ABCA4: variants seen among roughly 807,000 people sequenced by gnomAD.
ABCA4 encodes the protein retinal-specific phospholipid-transporting ATPase ABCA4.
ABCA4 carries 196 observed loss-of-function variants against 263.7 expected under a neutral mutation model. The ratio of observed to expected loss-of-function variants is 0.74; its 90% confidence interval spans 0.66 to 0.84. ABCA4 has a LOEUF of 0.84. Ranked by LOEUF, ABCA4 falls within the 40% of genes least tolerant of loss-of-function variation. ABCA4 has a pLI of 0.00. For missense variants in ABCA4, 2,792 were observed against 2,855.1 expected (o/e 0.98, Z 0.50); for synonymous variants, 1,133 against 1,094.2 (o/e 1.04, Z -0.70).
intron 16 of ABCA4, 74 bp from the exon 17 acceptor site, chr1:94,051,772 T>C: frequency 8.6e-7 from 1 of 1,162,550 alleles, no homozygotes; most frequent in South Asian, 1.3e-5. Flanking sequence ...TTCTATAAGA[T>C]CTAGAGTTTA....
intron 6 of ABCA4, among the ~76,000 whole-genome samples, chr1:94,088,055 C>A (rs576035783): frequency 2.0e-5 from 3 of 152,306 alleles, no homozygotes; most frequent in Admixed American, 6.5e-5. Flanking sequence ...TAAGCATAGT[C>A]CGTAATCAGT....
chr1:94,015,971 C>A, intron 36 of ABCA4, 117 bp from the exon 37 acceptor site: 1 of 899,902 alleles, frequency 1.1e-6, no homozygotes, highest in Non-Finnish European at 1.8e-6. Context: ...TCTGATTCGA[C>A]TTGCTTTTTA....
intron 37 of ABCA4, 33 bp downstream of exon 37, chr1:94,015,706 C>A: frequency 6.5e-7 from 1 of 1,541,442 alleles, no homozygotes; most frequent in Non-Finnish European, 9.0e-7. Context: ...GGCTTCTCTT[C>A]AGAGGCATTA....
chr1:94,003,655 A>G lies in ABCA4; in HGVS notation c.6148-1663T>C, dbSNP rs554134491. On this transcript the variant is annotated intron_variant, in intron 44 of 49. Coordinates refer to ENST00000370225, the MANE Select transcript of ABCA4 (RefSeq NM_000350.3). ...AATTATATTATTATTATTTTAAGAG[A>G]CAGAGTCTTGCTCTGTTTCCCAGGC... Among the ~76,000 whole-genome samples the G allele has an allele frequency of 1.6e-3, 242 of 152,302 alleles. 2 individuals carry two copies. The highest frequency in any genetic ancestry group is 5.8e-3 in the African/African-American group (239 of 41,556).
intron 1 of ABCA4, among the ~76,000 whole-genome samples, chr1:94,116,210 G>A (rs1662754655): frequency 1.3e-5 from 2 of 152,080 alleles, no homozygotes; most frequent in South Asian, 2.1e-4. Flanking sequence ...TCTGGCCCTA[G>A]GACTGTTCCC....
At chr1:94,087,964 G>A (rs1290431299) in intron 6 of ABCA4, among the ~76,000 whole-genome samples, 1 of 152,152 alleles carries the variant, frequency 6.6e-6, no homozygotes, top group Non-Finnish European at 1.5e-5. Flanking sequence ...CCACAGGAGA[G>A]AAAGAATCTA....
At chr1:94,001,690 G>A in intron 45 of ABCA4, 168 bp downstream of exon 45, 1 of 1,009,466 alleles carries the variant, frequency 9.9e-7, no homozygotes, top group Admixed American at 2.0e-5. Flanking sequence ...CCGGAGCTGT[G>A]TGAACCAAAC....
At chr1:94,109,329 T>A (rs975917303) in intron 3 of ABCA4, among the ~76,000 whole-genome samples, 1 of 152,190 alleles carries the variant, frequency 6.6e-6, no homozygotes, top group Non-Finnish European at 1.5e-5. Context: ...GGAGGGTTTA[T>A]CCAGTTTTTA....
chr1:94,047,866 T>G (rs1033022074), intron 18 of ABCA4, among the ~76,000 whole-genome samples: 19 of 152,352 alleles, frequency 1.2e-4, no homozygotes, highest in African/African-American at 3.6e-4. Flanking sequence ...ACCTCCCATC[T>G]ATCCCTGCTT....
rs886044763 is a variant in ABCA4 at position 93,997,943 on chromosome 1, G to T, written c.6647C>A (p.Ala2216Glu). Residue 2216 changes from alanine (A) to glutamate (E), a missense_variant, in exon 48 of 50, where the codon GCG becomes GAG. Coordinates refer to ENST00000370225, the MANE Select transcript of ABCA4 (RefSeq NM_000350.3). ...LQFQVSSSSLARIFQLLLSHK... is the reference protein window; with the variant it reads ...LQFQVSSSSLERIFQLLLSHK... ...GGAGAGGAGGAGCTGGAAGATCCTC[G>T]CCAGGGAGGAGGAGGAGACCTGGAA... 3 of 1,614,060 alleles carry T rather than the reference G, an allele frequency of 1.9e-6. No homozygotes were observed. The highest frequency in any genetic ancestry group is 1.7e-5 in the Admixed American group (1 of 60,022).
At position 94,062,709 on chromosome 1, in the gene ABCA4, C is replaced by G; in HGVS notation, c.1805G>C (p.Arg602Pro). 1.9e-6 allele frequency: 3 copies of G among 1,614,106 alleles called. No homozygotes were observed. In the South Asian group the frequency reaches 3.3e-5, roughly 18 times the overall value. ...ATAGGCAAACCCGCCCCAGATGTAC[C>G]GGAAATCTTCCACGGGATCAGCTCT... ...GPRADPVEDF[R>P]YIWGGFAYLQ... The change falls in exon 13 of 50, where the codon CGG becomes CCG. Residue 602 changes from arginine (R) to proline (P), a missense_variant. Arg to Pro is a moderately radical substitution (Grantham distance 103, BLOSUM62 -2). Transcript: ENST00000370225.
Position 94,121,016 on chromosome 1 carries a change from C to G in ABCA4, c.30G>C (p.Leu10Phe). 6.2e-7 allele frequency: 1 copy of G among 1,613,908 alleles called. No individual in the cohort carries two copies. The highest frequency in any genetic ancestry group is 1.3e-5 in the African/African-American group (1 of 74,942). Residue 10 changes from leucine to phenylalanine, a missense_variant, in exon 1 of 50, where the codon TTG (leucine) becomes TTC (phenylalanine). By Grantham distance (22) the Leu-to-Phe change is conservative. Transcript: ENST00000370225. ...TCCGCAGGGTCCAGTTCTTCCAGAG[C>G]AAAAGCTGTATCTGTCTCACGAAGC... is the stretch of plus-strand genomic sequence containing the variant. MGFVRQIQL[L>F]LWKNWTLRKR...
chr1:94,043,222 G>T (rs1660566541), intron 21 of ABCA4, 114 bp downstream of exon 21: 1 of 1,461,504 alleles, frequency 6.8e-7, no homozygotes, highest in Non-Finnish European at 9.4e-7. Context: ...TAACTTCACA[G>T]AGGTGTTCCC....
In ABCA4 at chr1:94,028,928, A is replaced by AC. The variant is rs147367400; in HGVS notation, c.4539+516_4539+517insG. ...TCTCAAAAAAAAAAAAAAAAAAAAA[A>AC]AAGAAATTCAAACAATGGGATAATA... On this transcript the variant is annotated intron_variant, in intron 30 of 49. Transcript: ENST00000370225. Among the ~76,000 whole-genome samples, 617 of 146,512 alleles carry AC rather than the reference A, an allele frequency of 4.2e-3. 36 individuals carry two copies. The highest frequency in any genetic ancestry group is 0.014 in the South Asian group (63 of 4,532).
intron 1 of ABCA4, among the ~76,000 whole-genome samples, chr1:94,119,124 T>C (rs959540031): frequency 6.6e-6 from 1 of 152,188 alleles, no homozygotes; most frequent in Non-Finnish European, 1.5e-5. Context: ...CTGGAGATTA[T>C]TTTTTGATAG....
intron 11 of ABCA4, among the ~76,000 whole-genome samples, chr1:94,071,967 A>G (rs1259626959): frequency 1.3e-5 from 2 of 152,260 alleles, no homozygotes; most frequent in Non-Finnish European, 2.9e-5. Flanking sequence ...AGAAGAAAGA[A>G]ATAGGACAGA....
rs552517556 is a variant in ABCA4, at chr1:94,031,836, G to A, written c.4070C>T (p.Ala1357Val). Residue 1357 changes from alanine (A) to valine (V), a missense_variant, in exon 27 of 50, where the codon GCG becomes GTG. Transcript: ENST00000370225. ...GTGTTGGAATCTCTTGACCAGCAGCGCCTGCACATGCTGGAGGACCAGCTG... is the reference window on the plus strand; with the variant it reads ...GTGTTGGAATCTCTTGACCAGCAGCACCTGCACATGCTGGAGGACCAGCTG... Reference protein sequence around the residue: ...GTQLVLQHVQALLVKRFQHTI... With the variant: ...GTQLVLQHVQVLLVKRFQHTI... 5 of 1,614,124 alleles carry A rather than the reference G, an allele frequency of 3.1e-6. No individual in the cohort carries two copies. The highest frequency in any genetic ancestry group is 1.1e-5 in the South Asian group (1 of 91,076).
Position 94,111,513 on chromosome 1 carries a change from T to C in ABCA4, c.227A>G (p.Asn76Ser). The C allele has an allele frequency of 6.2e-7, 1 of 1,614,182 alleles. No homozygotes were observed. Among genetic ancestry groups the C allele is most frequent in the Non-Finnish European group, 8.5e-7 (1 of 1,179,978 alleles). Residue 76 changes from asparagine to serine, a missense_variant, in exon 3 of 50, where the codon AAT becomes AGT. By Grantham distance (46) the Asn-to-Ser change is conservative. Coordinates refer to ENST00000370225, the MANE Select transcript of ABCA4 (RefSeq NM_000350.3). ...GCTTTGAAAACAGGGATTGTTCACA[T>C]TGCAGAAGATCCCCTGGAGCCACGG... ...MLPWLQGIFC[N>S]VNNPCFQSPT...
chr1:94,014,371 ATGGG>A (rs1444396403), intron 38 of ABCA4, among the ~76,000 whole-genome samples, 168 bp downstream of exon 38: 2 of 121,978 alleles, frequency 1.6e-5, no homozygotes, highest in African/African-American at 8.1e-5. Flanking sequence ...GGAAGGAAGG[ATGGG>A]AGGAAGGAAG....
Sources: gnomAD v4.1 joint callset for allele counts (sites outside exome capture counted in the v4.1 genomes callset) on GRCh38, gnomAD v4.1.1 for gene constraint, MANE v1.5 for transcripts, NCBI Gene and HGNC (gene_info 2026-07-23, HGNC 2026-07-21) for gene names.